TCP11L2: variants seen among roughly 807,000 people sequenced by gnomAD.
The protein encoded by TCP11L2 is t-complex 11 like 2, also known as T-complex protein 11-like protein 2.
Under a neutral mutation model 50.7 loss-of-function variants are expected in TCP11L2, and 39 were observed. The ratio of observed to expected loss-of-function variants is 0.77; its 90% CI spans 0.60 to 1.01. TCP11L2 has a LOEUF of 1.01. TCP11L2 is among the 50% of genes least tolerant of loss of function. The probability of loss-of-function intolerance (pLI) is 0.00; values close to 1 mark genes in which losing one functional copy is unlikely to be tolerated. For synonymous variants in TCP11L2, 192 were observed against 219.3 expected, an observed-to-expected ratio of 0.88 and a Z score of 1.10; for missense variants, 612 against 614.7, an observed-to-expected ratio of 1.00 and a Z score of 0.05.
intron 3 of TCP11L2, among the ~76,000 whole-genome samples, chr12:106,314,837 AAAAAAT>A (rs1057378727): frequency 2.6e-5 from 4 of 151,856 alleles, no homozygotes; most frequent in South Asian, 4.2e-4. Context: ...CCATCTCTGT[AAAAAAT>A]AAAAATAAAA....
At chr12:106,327,088 G>T (rs1173547489) in intron 6 of TCP11L2, among the ~76,000 whole-genome samples, 4 of 152,198 alleles carry the variant, frequency 2.6e-5, no homozygotes, top group African/African-American at 9.7e-5. Context: ...CATCAAGATA[G>T]CTTGGAATCT....
intron 2 of TCP11L2, among the ~76,000 whole-genome samples, chr12:106,311,536 T>A (rs1416811529): frequency 1.3e-5 from 2 of 152,196 alleles, no homozygotes; most frequent in Non-Finnish European, 2.9e-5. Flanking sequence ...TTGAGATTAC[T>A]TCTTAGATCT....
chr12:106,330,306 T>C, intron 6 of TCP11L2: 2 of 985,294 alleles, frequency 2.0e-6, no homozygotes, highest in Non-Finnish European at 2.4e-6. Context: ...CAAAAGTAAA[T>C]AAAAACTATT....
intron 4 of TCP11L2, among the ~76,000 whole-genome samples, chr12:106,318,951 C>CCGGACTG (rs894896503): frequency 6.6e-6 from 1 of 151,244 alleles, no homozygotes; most frequent in Non-Finnish European, 1.5e-5. Flanking sequence ...GTCGCCCAGG[C>CCGGACTG]CGGACTGCGG....
rs181365977 is a variant in TCP11L2 at position 106,317,754 on chromosome 12, G to A, written c.294-590G>A. 1.9e-4 allele frequency among the ~76,000 whole-genome samples: 29 copies of A among 152,290 alleles called. No individual in the cohort carries two copies. In the East Asian group the frequency reaches 3.5e-3, roughly 18 times the overall value. ...TGCTAAATGGTAGAGAAGTTAGGTA[G>A]GAATGTGTATTTTAACGTGCACCTA... On this transcript the variant is annotated intron_variant, in intron 3 of 9. Coordinates refer to ENST00000299045, the MANE Select transcript of TCP11L2 (RefSeq NM_152772.3).
At chr12:106,319,140 T>C (rs950552925) in intron 4 of TCP11L2, among the ~76,000 whole-genome samples, 2 of 152,092 alleles carry the variant, frequency 1.3e-5, no homozygotes, top group Non-Finnish European at 2.9e-5. Context: ...CTCGATCTCC[T>C]GACCTCATGA....
chr12:106,310,461 A>G (rs2034811322), intron 1 of TCP11L2, among the ~76,000 whole-genome samples: 1 of 152,220 alleles, frequency 6.6e-6, no homozygotes, highest in African/African-American at 2.4e-5. Flanking sequence ...GTTCACAGAA[A>G]GCGTAAAGAG....
chr12:106,319,116 T>A (rs1056064104), intron 4 of TCP11L2, among the ~76,000 whole-genome samples: 3 of 152,118 alleles, frequency 2.0e-5, no homozygotes, highest in African/African-American at 7.2e-5. Flanking sequence ...TTTCACCTTG[T>A]TAGCCAGGAT....
intron 2 of TCP11L2, among the ~76,000 whole-genome samples, chr12:106,313,868 C>T (rs1463537719): frequency 6.6e-6 from 1 of 150,902 alleles, no homozygotes; most frequent in Non-Finnish European, 1.5e-5. Context: ...TGGGTTCACG[C>T]CATTCTCCTG....
In TCP11L2 at chr12:106,335,575, G is replaced by A. The variant is rs546943213; in HGVS notation, c.773-64G>A. ...CAGCACCCAACACAGCATCTGTCAA[G>A]TGGAATACACCAGTGAAGGGATCAA... On this transcript the variant is annotated intron_variant, in intron 6 of 9. Coordinates refer to ENST00000299045, the MANE Select transcript of TCP11L2 (RefSeq NM_152772.3). 51 of 1,530,164 alleles carry A rather than the reference G, an allele frequency of 3.3e-5. No individual in the cohort carries two copies. In the African/African-American group the frequency reaches 6.3e-4, roughly 19 times the overall value. The allele number at this position is 1,530,164 out of a possible 1,614,324, so 94.8% of individuals were successfully genotyped here.
chr12:106,304,298 CCTT>C (rs2034540001), intron 1 of TCP11L2: 2 of 152,442 alleles, frequency 1.3e-5, no homozygotes, highest in East Asian at 1.9e-4. Context: ...TGCCAGGAAT[CCTT>C]CTCCCTGATG....
At chr12:106,313,755 G>A (rs1487317683) in intron 2 of TCP11L2, among the ~76,000 whole-genome samples, 2 of 143,342 alleles carry the variant, frequency 1.4e-5, no homozygotes, top group African/African-American at 5.3e-5. Flanking sequence ...CTAAAAATGA[G>A]GTAATTTAAT....
chr12:106,331,523 G>A (rs1310929593), intron 6 of TCP11L2, among the ~76,000 whole-genome samples: 1 of 152,186 alleles, frequency 6.6e-6, no homozygotes, highest in East Asian at 1.9e-4. Flanking sequence ...TTTAAAGGTT[G>A]TTTACAGAGT....
chr12:106,318,981 G>A (rs1342779900), intron 4 of TCP11L2, among the ~76,000 whole-genome samples: 1 of 151,530 alleles, frequency 6.6e-6, no homozygotes, highest in African/African-American at 2.4e-5. Flanking sequence ...GCGCAATCTC[G>A]GCTCACTGCA....
At chr12:106,312,959 G>A (rs1048010899) in intron 2 of TCP11L2, among the ~76,000 whole-genome samples, 2 of 152,132 alleles carry the variant, frequency 1.3e-5, no homozygotes, top group African/African-American at 4.8e-5. Context: ...ATTAAAAGAA[G>A]CTAAGATTTC....
At chr12:106,323,696 A>AT (rs769158061) in intron 6 of TCP11L2, 50 bp downstream of exon 6, 4 of 974,944 alleles carry the variant, frequency 4.1e-6, no homozygotes, top group Non-Finnish European at 5.7e-6. Context: ...TAAAATGATG[A>AT]TTTTAAATGT....
At chr12:106,299,866 T>C (rs920742225), upstream of TCP11L2, among the ~76,000 whole-genome samples, 6 of 152,218 alleles carry the variant, frequency 3.9e-5, no homozygotes, top group East Asian at 1.2e-3. Flanking sequence ...TGTAATTACA[T>C]TTTTAGATTT....
At chr12:106,321,768 G>T in intron 5 of TCP11L2, 62 bp downstream of exon 5, 3 of 1,435,954 alleles carry the variant, frequency 2.1e-6, no homozygotes, top group South Asian at 2.3e-5. Flanking sequence ...AAGGGAAGTT[G>T]GGCATCAGGG....
intron 6 of TCP11L2, chr12:106,329,529 TAAACACAG>T (rs1386320253): frequency 1.9e-5 from 27 of 1,456,694 alleles, no homozygotes; most frequent in Admixed American, 2.5e-5. Context: ...CTGGGGCGTT[TAAACACAG>T]AGGCCTGAGC....
Sources: allele counts gnomAD v4.1 joint callset (sites outside exome capture counted in the v4.1 genomes callset), GRCh38; gene constraint gnomAD v4.1.1; transcripts MANE v1.5; gene names NCBI Gene and HGNC (gene_info 2026-07-23, HGNC 2026-07-21).